The following FBXL17 variants were observed in gnomAD, a reference collection of about 807,000 sequenced individuals.
FBXL17 encodes the protein F-box and leucine rich repeat protein 17.
A neutral mutation model predicts 66.2 loss-of-function variants in FBXL17; 22 were observed. The observed-to-expected ratio is 0.33, with a 90% CI of 0.24 to 0.47. The LOEUF is 0.47. FBXL17 is among the 20% of genes least tolerant of loss of function. The pLI is 1.00. For synonymous variants in FBXL17, 474 were observed against 400.5 expected, an observed-to-expected ratio of 1.18 and a Z score of -2.19; for missense variants, 878 against 948.2, an observed-to-expected ratio of 0.93 and a Z score of 0.97.
intron 6 of FBXL17, among the ~76,000 whole-genome samples, chr5:108,133,379 T>C (rs1751011381): frequency 6.6e-6 from 1 of 152,200 alleles, no homozygotes; most frequent in South Asian, 2.1e-4. Flanking sequence ...TCATAGTTTA[T>C]GCATTTGAAT....
At chr5:108,250,344 T>G (rs1057122540) in intron 4 of FBXL17, among the ~76,000 whole-genome samples, 3 of 152,176 alleles carry the variant, frequency 2.0e-5, no homozygotes, top group Non-Finnish European at 4.4e-5. Context: ...GGTCAATGAT[T>G]ACCACAGTTA....
chr5:107,988,178 T>C (rs1753095653), intron 7 of FBXL17, among the ~76,000 whole-genome samples: 1 of 152,012 alleles, frequency 6.6e-6, no homozygotes, highest in African/African-American at 2.4e-5. Flanking sequence ...TCTTCAAATA[T>C]ATCCTGCGTA....
intron 6 of FBXL17, among the ~76,000 whole-genome samples, chr5:108,153,465 G>A (rs1387415582): frequency 6.6e-6 from 1 of 152,078 alleles, no homozygotes; most frequent in African/African-American, 2.4e-5. Flanking sequence ...TGCATACTTT[G>A]CAGGGTTGGT....
At position 107,859,707 on chromosome 5, in the gene FBXL17, C is replaced by T. The variant is rs1423972234; in HGVS notation, c.*2013G>A. On this transcript the variant is annotated 3_prime_UTR_variant, in exon 9 of 9. Coordinates refer to ENST00000542267, the MANE Select transcript of FBXL17 (RefSeq NM_001163315.3). ...TTACAACTTTGAACTGAAATGGTAC[C>T]ATCTATATCATAGATGGCTCTCCCT... 5 of 151,962 alleles carry T rather than the reference C, an allele frequency of 3.3e-5. No homozygotes were observed. The highest frequency in any genetic ancestry group is 1.5e-5 in the Non-Finnish European group (1 of 67,976). 9.4% of individuals were successfully genotyped at this position (151,962 alleles called of 1,614,324 possible).
chr5:108,159,671 G>C (rs1752132699), intron 6 of FBXL17, among the ~76,000 whole-genome samples: 1 of 152,032 alleles, frequency 6.6e-6, no homozygotes, highest in African/African-American at 2.4e-5. Flanking sequence ...TCATTTATAA[G>C]ACAGTTTATG....
intron 6 of FBXL17, among the ~76,000 whole-genome samples, chr5:108,154,644 C>CATATGTATAT (rs1554070082): frequency 7.4e-6 from 1 of 134,958 alleles, no homozygotes; most frequent in African/African-American, 2.9e-5. Context: ...CACACACACA[C>CATATGTATAT]ACACATATAT....
In FBXL17 at chr5:108,016,279, G is replaced by C. The variant is rs571972014; in HGVS notation, c.1822+4646C>G. ...ACAGGGCAGCCAAAGACAGCCTCAG[G>C]AGAGCAGTCCACGGGTCTGTGGAAA... On this transcript the variant is annotated intron_variant, in intron 7 of 8. Coordinates refer to ENST00000542267, the MANE Select transcript of FBXL17 (RefSeq NM_001163315.3). Among the ~76,000 whole-genome samples, 56 of 152,298 alleles carry C rather than the reference G, an allele frequency of 3.7e-4. 1 individual carries two copies. The highest frequency in any genetic ancestry group is 1.0e-3 in the African/African-American group (42 of 41,566).
intron 7 of FBXL17, among the ~76,000 whole-genome samples, chr5:107,924,331 T>G (rs931835143): frequency 1.3e-5 from 2 of 152,136 alleles, no homozygotes; most frequent in African/African-American, 4.8e-5. Flanking sequence ...AAATTAAGCT[T>G]CATGGCAGAG....
At chr5:108,150,863 C>A (rs1751746916) in intron 6 of FBXL17, among the ~76,000 whole-genome samples, 1 of 152,168 alleles carries the variant, frequency 6.6e-6, no homozygotes, top group Admixed American at 6.5e-5. Context: ...TGTAAAGGTA[C>A]CTTTGCCCTA....
At chr5:108,299,119 T>A in intron 4 of FBXL17, 1 of 979,204 alleles carries the variant, frequency 1.0e-6, no homozygotes, top group Non-Finnish European at 1.2e-6. Flanking sequence ...AACAGCTTTT[T>A]AAATTATTTA....
intron 7 of FBXL17, among the ~76,000 whole-genome samples, chr5:107,904,250 A>G (rs1749675214): frequency 1.3e-5 from 2 of 152,140 alleles, no homozygotes; most frequent in Non-Finnish European, 2.9e-5. Flanking sequence ...AGACTTGTCC[A>G]GATCAGAGCC....
chr5:108,008,128 T>A (rs1161852673), intron 7 of FBXL17, among the ~76,000 whole-genome samples: 3 of 152,156 alleles, frequency 2.0e-5, no homozygotes, highest in African/African-American at 7.2e-5. Context: ...CGTACACTGG[T>A]AAGTACAAGC....
chr5:108,121,658 G>A (rs972775809), intron 6 of FBXL17, among the ~76,000 whole-genome samples: 1 of 151,822 alleles, frequency 6.6e-6, no homozygotes, highest in African/African-American at 2.4e-5. Flanking sequence ...CAGGGATCAC[G>A]CCATTCTCCT....
At chr5:108,324,011 T>G (rs2150224429) in intron 4 of FBXL17, among the ~76,000 whole-genome samples, 1 of 152,086 alleles carries the variant, frequency 6.6e-6, no homozygotes, top group East Asian at 1.9e-4. Flanking sequence ...ATAAAAGCTT[T>G]ACAACGTTGA....
intron 7 of FBXL17, among the ~76,000 whole-genome samples, chr5:107,951,058 A>G (rs557279650): frequency 8.5e-4 from 130 of 152,340 alleles, no homozygotes; most frequent in Non-Finnish European, 7.2e-4. Flanking sequence ...AAAGGCTGTC[A>G]TCATGTGGTG....
intron 4 of FBXL17, among the ~76,000 whole-genome samples, chr5:108,317,039 C>T (rs1228181715): frequency 2.0e-5 from 3 of 151,120 alleles, no homozygotes; most frequent in Non-Finnish European, 3.0e-5. Context: ...AAAAACTGTA[C>T]ATAAAGGTCT....
At position 107,861,743 on chromosome 5, in the gene FBXL17, TG is replaced by T. The variant is rs751734539; in HGVS notation, c.2082del (p.Asn695ThrfsTer77). 2 of 1,582,670 alleles carry T rather than the reference TG, an allele frequency of 1.3e-6. No homozygotes were observed. Among genetic ancestry groups the T allele is most frequent in the African/African-American group, 1.4e-5 (1 of 73,910 alleles). On this transcript the variant is annotated frameshift_variant, in exon 9 of 9. Coordinates refer to ENST00000542267, the MANE Select transcript of FBXL17 (RefSeq NM_001163315.3). LOFTEE classifies it high-confidence loss of function. ...CGCTAGGAGGAGGCGGCAGACATGTTGGGGGTCCAGCCCATCTGATAGGCTC... is the reference window on the plus strand; with the variant it reads ...CGCTAGGAGGAGGCGGCAGACATGTTGGGGTCCAGCCCATCTGATAGGCTC... ...LERAYQMGWT[P>X]NMSAASS
At chr5:108,373,323 T>C (rs1193521713) in intron 1 of FBXL17, among the ~76,000 whole-genome samples, 1 of 92,276 alleles carries the variant, frequency 1.1e-5, no homozygotes, top group Non-Finnish European at 2.3e-5. Context: ...TATTAAATTT[T>C]TATTAATATA....
chr5:108,350,011 T>C (rs1376514854), intron 3 of FBXL17, among the ~76,000 whole-genome samples: 1 of 152,180 alleles, frequency 6.6e-6, no homozygotes, highest in African/African-American at 2.4e-5. Context: ...ATATTTTTCA[T>C]TAGTAGTCAT....
Sources: gnomAD v4.1 joint callset for allele counts (sites outside exome capture counted in the v4.1 genomes callset) on GRCh38, gnomAD v4.1.1 for gene constraint, MANE v1.5 for transcripts, NCBI Gene and HGNC (gene_info 2026-07-23, HGNC 2026-07-21) for gene names.